TGFBRAP1: variants seen among roughly 807,000 people sequenced by gnomAD.
The protein encoded by TGFBRAP1 is transforming growth factor-beta receptor-associated protein 1.
TGFBRAP1 carries 20 observed loss-of-function variants against 83.2 expected under a neutral mutation model. The ratio of observed to expected loss-of-function variants is 0.24; its 90% CI spans 0.17 to 0.35. The LOEUF is 0.35. TGFBRAP1 is among the 10% of genes least tolerant of loss of function. The pLI is 1.00. For missense variants in TGFBRAP1, 950 were observed against 1,099.4 expected (o/e 0.86, Z 1.92); for synonymous variants, 415 against 459.8 (o/e 0.90, Z 1.25).
intron 4 of TGFBRAP1, among the ~76,000 whole-genome samples, chr2:105,289,375 T>C (rs1027665474): frequency 6.6e-6 from 1 of 152,176 alleles, no homozygotes; most frequent in Non-Finnish European, 1.5e-5. Context: ...AATTCCTAAG[T>C]AATATATTCA....
At chr2:105,251,784 T>C in the TGFBRAP1 span, among the ~76,000 whole-genome samples, 2 of 150,874 alleles carry the variant, frequency 1.3e-5, no homozygotes, top group Admixed American at 6.6e-5. Flanking sequence ...AGACTTTTCA[T>C]TTTGTTCGGT....
intron 4 of TGFBRAP1, among the ~76,000 whole-genome samples, chr2:105,295,653 A>T (rs1274290905): frequency 1.3e-5 from 2 of 151,952 alleles, no homozygotes; most frequent in African/African-American, 4.8e-5. Context: ...TCTATTAAAA[A>T]TACAAAAATT....
At chr2:105,257,335 TG>T in the TGFBRAP1 span, among the ~76,000 whole-genome samples, 1 of 152,188 alleles carries the variant, frequency 6.6e-6, no homozygotes, top group South Asian at 2.1e-4. Flanking sequence ...TATAGTTCTG[TG>T]GCATAAATAC....
chr2:105,267,731 T>A, intron 11 of TGFBRAP1, 172 bp from the exon 12 acceptor site: 1 of 985,468 alleles, frequency 1.0e-6, no homozygotes, highest in Non-Finnish European at 1.2e-6. Flanking sequence ...AATAAAACCA[T>A]CCTTAGTAAC....
At chr2:105,280,230 CT>C in intron 6 of TGFBRAP1, 151 bp downstream of exon 6, 1 of 751,722 alleles carries the variant, frequency 1.3e-6, no homozygotes, top group Non-Finnish European at 2.1e-6. Flanking sequence ...CATGCATCTG[CT>C]GTCACTATGA....
intron 6 of TGFBRAP1, 51 bp downstream of exon 6, chr2:105,280,331 G>C: frequency 6.4e-7 from 1 of 1,564,884 alleles, no homozygotes; most frequent in Non-Finnish European, 8.7e-7. Context: ...AAGAGCCTCA[G>C]TAAGGGTGCA....
intron 1 of TGFBRAP1, among the ~76,000 whole-genome samples, chr2:105,316,458 TGTGTGC>T (rs1185859657): frequency 1.8e-4 from 12 of 67,072 alleles, no homozygotes; most frequent in Admixed American, 3.2e-4. Flanking sequence ...TGTGTGTGTG[TGTGTGC>T]GCGCGCGCGC....
chr2:105,294,454 G>A (rs911099865), intron 4 of TGFBRAP1, among the ~76,000 whole-genome samples: 2 of 152,076 alleles, frequency 1.3e-5, no homozygotes, highest in African/African-American at 4.8e-5. Context: ...GGTCCGTAAT[G>A]GAAAAAGATC....
chr2:105,302,009 T>TAAAAAAAAAAAAAAAAAAA (rs35548542), intron 2 of TGFBRAP1, among the ~76,000 whole-genome samples: 2 of 75,086 alleles, frequency 2.7e-5, no homozygotes, highest in African/African-American at 5.2e-5. Context: ...TAAAGAATAC[T>TAAAAAAAAAAAAAAAAAAA]AAAAAAAAAA....
intron 5 of TGFBRAP1, 38 bp from the exon 6 acceptor site, chr2:105,280,761 G>A (rs777044281): frequency 1.7e-5 from 27 of 1,575,488 alleles, no homozygotes; most frequent in Non-Finnish European, 2.3e-5. Context: ...AGCAAAAAGA[G>A]AGAAGAGTAC....
intron 5 of TGFBRAP1, among the ~76,000 whole-genome samples, chr2:105,281,741 C>T (rs1677545575): frequency 6.6e-6 from 1 of 152,168 alleles, no homozygotes; most frequent in Admixed American, 6.5e-5. Flanking sequence ...CTTATGTTGC[C>T]AGTTTGTACA....
In TGFBRAP1 at chr2:105,290,435, A is replaced by ATGAATTCTTCAGATATTAGAGAAAT. The variant is rs1275070205; in HGVS notation, c.1038+5920_1038+5921insATTTCTCTAATATCTGAAGAATTCA. ...ATTGGGCTATTCATATTTCTTTCAT[A>ATGAATTCTTCAGATATTAGAGAAAT]TAGCCCAAGGAATTCTTCAGATATT... On this transcript the variant is annotated intron_variant, in intron 4 of 11. Transcript: ENST00000393359. Among the ~76,000 whole-genome samples the ATGAATTCTTCAGATATTAGAGAAAT allele has an allele frequency of 9.2e-5, 14 of 152,290 alleles. No homozygotes were observed. The East Asian group carries it at 2.5e-3, about 27-fold the overall frequency.
chr2:105,294,306 G>A (rs1483995606), intron 4 of TGFBRAP1, among the ~76,000 whole-genome samples: 1 of 113,612 alleles, frequency 8.8e-6, no homozygotes, highest in African/African-American at 3.3e-5. Flanking sequence ...ATAGGAGTGA[G>A]GGTGTGTGTG....
At chr2:105,302,342 C>T (rs910701841) in intron 2 of TGFBRAP1, among the ~76,000 whole-genome samples, 21 of 152,042 alleles carry the variant, frequency 1.4e-4, no homozygotes, top group African/African-American at 5.1e-4. Flanking sequence ...GAAAGCTTTC[C>T]AACAGATACA....
At chr2:105,259,693 A>G (rs1255963445), downstream of TGFBRAP1, among the ~76,000 whole-genome samples, 1 of 152,200 alleles carries the variant, frequency 6.6e-6, no homozygotes, top group Non-Finnish European at 1.5e-5. Flanking sequence ...ATCTGCTCTG[A>G]CCTACAGGGC....
intron 4 of TGFBRAP1, among the ~76,000 whole-genome samples, chr2:105,288,186 C>T (rs1184037010): frequency 6.6e-6 from 1 of 152,190 alleles, no homozygotes; most frequent in African/African-American, 2.4e-5. Context: ...ACAACCACAA[C>T]CAAATGAGTC....
downstream of TGFBRAP1, among the ~76,000 whole-genome samples, chr2:105,261,414 T>A (rs1676783583): frequency 6.6e-6 from 1 of 152,108 alleles, no homozygotes; most frequent in Non-Finnish European, 1.5e-5. Context: ...GAAAATGTTC[T>A]CTAGAGAAAG....
In TGFBRAP1 at chr2:105,296,436, G is replaced by T. The variant is rs1678091365; in HGVS notation, c.958C>A (p.Leu320Ile). The change falls in exon 4 of 12, where the codon CTT becomes ATT. Residue 320 changes from leucine to isoleucine, a missense_variant. By Grantham distance (5) the Leu-to-Ile change is conservative. Coordinates refer to ENST00000393359, the MANE Select transcript of TGFBRAP1 (RefSeq NM_004257.6). ...PLPLEKQIQD[L>I]LASRRVEEAL... is the part of the protein sequence containing the mutation. ...TCTTCTACTCTGCGGCTTGCTAGAA[G>T]ATCCTGTATTTGTTTTTCCAAAGGT... 3 of 1,614,018 alleles carry T rather than the reference G, an allele frequency of 1.9e-6. No individual in the cohort carries two copies. Among genetic ancestry groups the T allele is most frequent in the Non-Finnish European group, 2.5e-6 (3 of 1,179,996 alleles).
rs760494204 is a variant in TGFBRAP1, at chr2:105,273,034, C to T, written c.1813-20G>A. ...TTCTTTCTGCAGGAAACAGGGGGAG[C>T]CAAGCAGACAGACAGTGTTTTCAAG... is the stretch of plus-strand genomic sequence containing the variant. On this transcript the variant is annotated intron_variant, in intron 9 of 11. Coordinates refer to ENST00000393359, the MANE Select transcript of TGFBRAP1 (RefSeq NM_004257.6). 19 of 1,604,420 alleles carry T rather than the reference C, an allele frequency of 1.2e-5. No homozygotes were observed. The highest frequency in any genetic ancestry group is 1.6e-5 in the Non-Finnish European group (19 of 1,176,092).
Sources: gnomAD v4.1 joint callset for allele counts (sites outside exome capture counted in the v4.1 genomes callset) on GRCh38, gnomAD v4.1.1 for gene constraint, MANE v1.5 for transcripts, NCBI Gene and HGNC (gene_info 2026-07-23, HGNC 2026-07-21) for gene names.